PIEZO2: variants seen among roughly 807,000 people sequenced by gnomAD.
PIEZO2 encodes piezo-type mechanosensitive ion channel component 2.
PIEZO2 carries 172 observed loss-of-function variants against 337.3 expected under a neutral mutation model. The observed-to-expected ratio is 0.51, with a 90% confidence interval of 0.45 to 0.58. The LOEUF is 0.58. Ranked by LOEUF, PIEZO2 falls within the 20% of genes least tolerant of loss-of-function variation. The pLI is 0.00. For synonymous variants in PIEZO2, 1,251 were observed against 1,228.5 expected (o/e 1.02, Z -0.38); for missense variants, 3,028 against 3,391.3 (o/e 0.89, Z 2.66).
Position 10,897,563 on chromosome 18 carries a change from C to G in PIEZO2, c.329+13623G>C, listed in dbSNP as rs139200498. Among the ~76,000 whole-genome samples, 497 of 152,298 alleles carry G rather than the reference C, an allele frequency of 3.3e-3. 4 individuals carry two copies. Among genetic ancestry groups the G allele is most frequent in the African/African-American group, 0.011 (478 of 41,568 alleles). ...CTCTCTTGCCTGCCGCCACATAAGA[C>G]GTGCCTTTCACCTTCTGCCATGAGT... On this transcript the variant is annotated intron_variant, in intron 4 of 55. Coordinates refer to ENST00000674853, the MANE Select transcript of PIEZO2 (RefSeq NM_001378183.1).
chr18:10,675,466 A>G (rs1198726064), intron 53 of PIEZO2, among the ~76,000 whole-genome samples, 178 bp from the exon 54 acceptor site: 1 of 152,158 alleles, frequency 6.6e-6, no homozygotes, highest in Non-Finnish European at 1.5e-5. Context: ...ACTCTCTCAT[A>G]TGGAGCAAAT....
rs2040882967 is a variant in PIEZO2, at chr18:11,148,986, C to G, written c.-398G>C. On this transcript the variant is annotated 5_prime_UTR_variant, in exon 1 of 56. Coordinates refer to ENST00000674853, the MANE Select transcript of PIEZO2 (RefSeq NM_001378183.1). The surrounding 1 kb of genome is among the most constrained non-coding windows in gnomAD (Gnocchi z 5.2). Reference sequence around the variant, plus strand: ...CGGCGAGCAAAGGGGGCAAGAAGGGCGTGCTGTGCTCCCGCCTGGCTCCCG... The same window carrying G: ...CGGCGAGCAAAGGGGGCAAGAAGGGGGTGCTGTGCTCCCGCCTGGCTCCCG... Among the ~76,000 whole-genome samples, 1 of 151,284 alleles carries G rather than the reference C, an allele frequency of 6.6e-6. No homozygotes were observed. Among genetic ancestry groups the G allele is most frequent in the African/African-American group, 2.4e-5 (1 of 41,140 alleles).
chr18:10,704,770 C>T (rs1413967799), intron 41 of PIEZO2, 118 bp from the exon 42 acceptor site: 17 of 1,224,226 alleles, frequency 1.4e-5, no homozygotes, highest in Admixed American at 7.2e-5. Context: ...CTGCAACCTC[C>T]GCCTCCCGAA....
At position 10,801,508 on chromosome 18, in the gene PIEZO2, T is replaced by C. The variant is rs912983106; in HGVS notation, c.1201-80A>G. On this transcript the variant is annotated intron_variant, in intron 9 of 55. Transcript: ENST00000674853. ...TGTTTATGTATCTATAAAGTTTTAC[T>C]GTGCACAAGCCCATTCTCTTTAACT... The C allele has an allele frequency of 7.0e-6, 9 of 1,293,992 alleles. No homozygotes were observed. The African/African-American group carries it at 7.4e-5, about 11-fold the overall frequency. The allele number at this position is 1,293,992 out of a possible 1,614,324, so 80.2% of individuals were successfully genotyped here.
intron 7 of PIEZO2, among the ~76,000 whole-genome samples, chr18:10,820,929 T>C (rs1205626253): frequency 6.6e-6 from 1 of 152,228 alleles, no homozygotes; most frequent in Non-Finnish European, 1.5e-5. Context: ...GAAATCTATA[T>C]GAGCTCTGGC....
Position 10,714,805 on chromosome 18 carries a change from G to C in PIEZO2, c.5382C>G (p.Ala1794=), listed in dbSNP as rs755706272. Residue 1794 remains alanine (A), a synonymous_variant, in exon 39 of 56, where the codon GCC becomes GCG. Coordinates refer to ENST00000674853, the MANE Select transcript of PIEZO2 (RefSeq NM_001378183.1). ...HPGAASGAQT[A]HRMDSLDSHD... ...GTGAATCTAAACTATCCATCCTGTGGGCTGTCTGTGCACCTGAAGCAGCTC... is the reference window on the plus strand; with the variant it reads ...GTGAATCTAAACTATCCATCCTGTGCGCTGTCTGTGCACCTGAAGCAGCTC... 40 of 1,537,060 alleles carry C rather than the reference G, an allele frequency of 2.6e-5. No homozygotes were observed. Among genetic ancestry groups the C allele is most frequent in the Non-Finnish European group, 3.5e-5 (40 of 1,146,888 alleles).
rs1211509730 is a variant in PIEZO2 at position 10,682,487 on chromosome 18, G to A, written c.7498-195C>T. ...AAATGAAGTTAGGTAGTGATGTGAA[G>A]CTGTCCTGAGGTCGCTCCAGTACCC... is the stretch of plus-strand genomic sequence containing the variant. On this transcript the variant is annotated intron_variant, in intron 49 of 55. Coordinates refer to ENST00000674853, the MANE Select transcript of PIEZO2 (RefSeq NM_001378183.1). The surrounding 1 kb of genome is among the most constrained non-coding windows in gnomAD (Gnocchi z 5.6). Among the ~76,000 whole-genome samples, 1 of 152,196 alleles carries A rather than the reference G, an allele frequency of 6.6e-6. No homozygotes were observed. The highest frequency in any genetic ancestry group is 1.5e-5 in the Non-Finnish European group (1 of 68,036).
intron 2 of PIEZO2, among the ~76,000 whole-genome samples, chr18:10,991,407 T>A (rs2145557051): frequency 8.1e-6 from 1 of 122,734 alleles, no homozygotes; most frequent in East Asian, 2.8e-4. Context: ...CAGGCCCTGA[T>A]GTGTGATGTT....
In PIEZO2 at chr18:10,979,439, CAT is replaced by C; in HGVS notation, c.286+94_286+95del. On this transcript the variant is annotated intron_variant, in intron 3 of 55. Transcript: ENST00000674853. The surrounding 1 kb of genome is among the most constrained non-coding windows in gnomAD (Gnocchi z 4.0). ...CATGAATTTTATAATTTAATTATTGCATAGATTTCTATGTGTGCGATGACACA... is the reference window on the plus strand; with the variant it reads ...CATGAATTTTATAATTTAATTATTGCAGATTTCTATGTGTGCGATGACACA... 8.2e-7 allele frequency: 1 copy of C among 1,213,834 alleles called. No individual in the cohort carries two copies. The highest frequency in any genetic ancestry group is 1.1e-6 in the Non-Finnish European group (1 of 942,424). 75.2% of individuals were successfully genotyped at this position (1,213,834 alleles called of 1,614,324 possible). A position where few individuals can be genotyped will look rare whatever the true frequency, so the allele number is the denominator to read the frequency against.
intron 1 of PIEZO2, among the ~76,000 whole-genome samples, chr18:11,147,925 C>G (rs902819775): frequency 1.5e-4 from 23 of 152,344 alleles, no homozygotes; most frequent in African/African-American, 5.3e-4. Context: ...TGTTGGGGGT[C>G]TATAGCCTTA....
chr18:10,879,277 C>T (rs2042347819), intron 4 of PIEZO2, among the ~76,000 whole-genome samples: 1 of 152,128 alleles, frequency 6.6e-6, no homozygotes, highest in Non-Finnish European at 1.5e-5. Context: ...CATAAAATGA[C>T]CTAAGCTGCA....
rs140287990 is a variant in PIEZO2, at chr18:11,024,662, C to T, written c.160+41465G>A. ...TTTGTTTTGTTTCGTTTTTTTGAGA[C>T]GGAGTTTCACTCTTGTCACCCAGGC... On this transcript the variant is annotated intron_variant, in intron 2 of 55. Coordinates refer to ENST00000674853, the MANE Select transcript of PIEZO2 (RefSeq NM_001378183.1). 5.3e-5 allele frequency among the ~76,000 whole-genome samples: 8 copies of T among 151,582 alleles called. No homozygotes were observed. The East Asian group carries it at 1.4e-3, about 26-fold the overall frequency.
At chr18:10,808,340 A>C (rs1345620906) in intron 7 of PIEZO2, among the ~76,000 whole-genome samples, 1 of 152,122 alleles carries the variant, frequency 6.6e-6, no homozygotes, top group East Asian at 1.9e-4. Flanking sequence ...GATCCTCCCA[A>C]GTTAGTCTCC....
rs60859308 is a variant in PIEZO2, at chr18:10,716,091, C to T, written c.5090-275G>A. Reference sequence around the variant, plus strand: ...CAGGGCGGCTCCCTGTGCAGCTGACCCTTGAACATGGGTTTGGACAGCGTG... The same window carrying T: ...CAGGGCGGCTCCCTGTGCAGCTGACTCTTGAACATGGGTTTGGACAGCGTG... On this transcript the variant is annotated intron_variant, in intron 37 of 55. Transcript: ENST00000674853. This position sits in a 1 kb window ranked among gnomAD's most constrained non-coding sequence, Gnocchi z 4.1. Among the ~76,000 whole-genome samples, 6,624 of 152,204 alleles carry T rather than the reference C, an allele frequency of 0.044. 208 individuals are homozygous for T. The highest frequency in any genetic ancestry group is 0.1 in the Admixed American group (1,561 of 15,294).
intron 36 of PIEZO2, among the ~76,000 whole-genome samples, chr18:10,720,401 G>C (rs796964245): frequency 7.1e-4 from 5 of 7,006 alleles, no homozygotes; most frequent in Non-Finnish European, 9.4e-4. Context: ...GTGTGTGTGT[G>C]TGTATGTGTA....
intron 32 of PIEZO2, 30 bp from the exon 33 acceptor site, chr18:10,741,132 C>A (rs572327642): frequency 1.3e-6 from 2 of 1,510,040 alleles, no homozygotes; most frequent in Non-Finnish European, 1.8e-6. Context: ...CATATTAATT[C>A]GTATAAAGTG....
chr18:10,756,552 G>C (rs1430797862), intron 27 of PIEZO2, among the ~76,000 whole-genome samples: 1 of 133,910 alleles, frequency 7.5e-6, no homozygotes, highest in African/African-American at 2.8e-5. Context: ...AGAAATGAGG[G>C]ATAAGAATGA....
In PIEZO2 at chr18:11,125,224, G is replaced by T. The variant is rs2146211072; in HGVS notation, c.64+23301C>A. Reference sequence around the variant, plus strand: ...TCCTGCCAGGCAGGATGGGGATACTGCAATAAGCAAGAAAACCATTATAAG... The same window carrying T: ...TCCTGCCAGGCAGGATGGGGATACTTCAATAAGCAAGAAAACCATTATAAG... On this transcript the variant is annotated intron_variant, in intron 1 of 55. Transcript: ENST00000674853. The surrounding 1 kb of genome is among the most constrained non-coding windows in gnomAD (Gnocchi z 4.4). Among the ~76,000 whole-genome samples, 1 of 152,210 alleles carries T rather than the reference G, an allele frequency of 6.6e-6. No individual in the cohort carries two copies. Among genetic ancestry groups the T allele is most frequent in the Non-Finnish European group, 1.5e-5 (1 of 68,004 alleles).
intron 36 of PIEZO2, among the ~76,000 whole-genome samples, chr18:10,730,962 G>A (rs1328778201): frequency 6.6e-6 from 1 of 151,970 alleles, no homozygotes; most frequent in Admixed American, 6.6e-5. Context: ...TCCTGACCTC[G>A]TGATCCACTC....
Sources: gnomAD v4.1 joint callset for allele counts (sites outside exome capture counted in the v4.1 genomes callset) on GRCh38, gnomAD v4.1.1 for gene constraint, Gnocchi (gnomAD v3.1) non-coding constraint, MANE v1.5 for transcripts, NCBI Gene and HGNC (gene_info 2026-07-23, HGNC 2026-07-21) for gene names.